CFAP92: variants seen among roughly 807,000 people sequenced by gnomAD.
CFAP92 encodes the protein cilia and flagella associated protein 92 (putative), also known as uncharacterized protein CFAP92.
In CFAP92, 86 loss-of-function variants were observed where a neutral mutation model predicts 106.3. The ratio of observed to expected loss-of-function variants is 0.81; its 90% CI spans 0.68 to 0.97. The LOEUF is 0.97. Ranked by LOEUF, CFAP92 falls within the 50% of genes least tolerant of loss-of-function variation. CFAP92 has a pLI of 0.00. For missense variants in CFAP92, 1,204 were observed against 1,283.8 expected (o/e 0.94, Z 0.95); for synonymous variants, 477 against 506.4 (o/e 0.94, Z 0.78).
chr3:128,948,237 G>A (rs1007031431), intron 9 of CFAP92, among the ~76,000 whole-genome samples: 12 of 151,930 alleles, frequency 7.9e-5, no homozygotes, highest in East Asian at 5.8e-4. Flanking sequence ...CTGTTGCCCC[G>A]GGCTGGAGTG....
chr3:128,976,875 G>A, intron 6 of CFAP92, 104 bp downstream of exon 6: 1 of 856,096 alleles, frequency 1.2e-6, no homozygotes. Context: ...GATTGCATGA[G>A]ATCCAGTTTA....
the CFAP92 span, among the ~76,000 whole-genome samples, chr3:129,025,205 G>A: frequency 1.3e-5 from 2 of 152,296 alleles, no homozygotes; most frequent in Non-Finnish European, 2.9e-5. Flanking sequence ...AAGCCATGGC[G>A]TTGGCTGAGA....
chr3:128,982,506 A>G (rs1239200923), intron 4 of CFAP92, among the ~76,000 whole-genome samples: 1 of 152,134 alleles, frequency 6.6e-6, no homozygotes, highest in Non-Finnish European at 1.5e-5. Flanking sequence ...CTTTCTTATC[A>G]TTCCTGTGTT....
chr3:128,950,088 C>A (rs189699658), intron 9 of CFAP92, among the ~76,000 whole-genome samples: 9 of 152,300 alleles, frequency 5.9e-5, no homozygotes, highest in Admixed American at 2.6e-4. Flanking sequence ...AACAGAGGGT[C>A]TCTGGAATAG....
At chr3:129,003,377 C>T (rs924905430), upstream of CFAP92, 2 of 762,754 alleles carry the variant, frequency 2.6e-6, no homozygotes, top group Non-Finnish European at 3.2e-6. Context: ...CCTCAAAAGC[C>T]TCTAGTGAGC....
At chr3:128,975,565 CAGAT>C (rs1393786894) in intron 7 of CFAP92, among the ~76,000 whole-genome samples, 3 of 150,736 alleles carry the variant, frequency 2.0e-5, no homozygotes, top group Non-Finnish European at 3.0e-5. Flanking sequence ...TGGGGATGGA[CAGAT>C]AGATGAATGG....
intron 12 of CFAP92, among the ~76,000 whole-genome samples, chr3:128,923,098 C>T (rs755183920): frequency 1.2e-4 from 19 of 152,206 alleles, no homozygotes; most frequent in Admixed American, 2.6e-4. Context: ...AAAGTTTTTG[C>T]TTCTGTTTCG....
At chr3:128,992,861 C>T (rs1559940932) in intron 2 of CFAP92, among the ~76,000 whole-genome samples, 182 bp downstream of exon 2, 1 of 152,176 alleles carries the variant, frequency 6.6e-6, no homozygotes, top group African/African-American at 2.4e-5. Flanking sequence ...GATGCAGCCA[C>T]AGTTGGGCCT....
intron 12 of CFAP92, among the ~76,000 whole-genome samples, chr3:128,921,238 A>G (rs1264854169): frequency 3.3e-5 from 5 of 152,210 alleles, no homozygotes; most frequent in African/African-American, 4.8e-5. Context: ...CCAGTGAAGG[A>G]ACACTAGAGT....
At chr3:129,012,471 A>G in the CFAP92 span, among the ~76,000 whole-genome samples, 1 of 152,108 alleles carries the variant, frequency 6.6e-6, no homozygotes, top group African/African-American at 2.4e-5. Context: ...CATAGCTGGG[A>G]ACATGGCTGC....
chr3:128,993,182 G>A lies in CFAP92; in HGVS notation c.123C>T (p.Ala41=). 1 of 1,614,050 alleles carries A rather than the reference G, an allele frequency of 6.2e-7. No individual in the cohort carries two copies. Among genetic ancestry groups the A allele is most frequent in the Non-Finnish European group, 8.5e-7 (1 of 1,179,892 alleles). ...CDVEEHLKAK[A]RAQESDSDRP... is the part of the protein sequence containing the mutation. ...GGTCAGAGTCAGACTCCTGGGCCCTGGCCTTGGCCTTCAGGTGTTCCTCCA... is the reference window on the plus strand; with the variant it reads ...GGTCAGAGTCAGACTCCTGGGCCCTAGCCTTGGCCTTCAGGTGTTCCTCCA... Residue 41 remains alanine (A), a synonymous_variant, in exon 2 of 16, where the codon GCC becomes GCT. Coordinates refer to ENST00000645291, the MANE Select transcript of CFAP92 (RefSeq NM_001394090.1).
chr3:128,940,716 C>T (rs978686057), intron 10 of CFAP92, among the ~76,000 whole-genome samples: 1 of 152,016 alleles, frequency 6.6e-6, no homozygotes, highest in Non-Finnish European at 1.5e-5. Flanking sequence ...TGAACCAATA[C>T]CACACTATCT....
chr3:128,931,475 G>A (rs9289334), intron 12 of CFAP92, among the ~76,000 whole-genome samples: 16 of 59,506 alleles, frequency 2.7e-4, no homozygotes, highest in Admixed American at 8.2e-4. Flanking sequence ...ACACATACAT[G>A]TATATATATG....
chr3:129,006,429 G>T (rs1042311981), upstream of CFAP92, among the ~76,000 whole-genome samples: 5 of 152,208 alleles, frequency 3.3e-5, no homozygotes, highest in Admixed American at 6.5e-5. Context: ...AGATTCTCCT[G>T]CCTCAGCCTC....
chr3:129,000,097 T>A (rs1207950137), intron 1 of CFAP92, among the ~76,000 whole-genome samples: 1 of 152,212 alleles, frequency 6.6e-6, no homozygotes, highest in Non-Finnish European at 1.5e-5. Context: ...CCTAGCTGAT[T>A]TGATGGACAC....
intron 10 of CFAP92, 53 bp from the exon 11 acceptor site, chr3:128,935,372 C>A: frequency 1.6e-6 from 2 of 1,288,700 alleles, no homozygotes; most frequent in African/African-American, 1.5e-5. Context: ...TCCTGGGACA[C>A]CGTGGTGAGG....
chr3:128,977,398 A>T (rs560799428), intron 5 of CFAP92, among the ~76,000 whole-genome samples: 1 of 152,310 alleles, frequency 6.6e-6, no homozygotes, highest in East Asian at 1.9e-4. Context: ...AACCATAGGG[A>T]ATGGTTAGCA....
chr3:128,991,389 T>C (rs1311828593), intron 2 of CFAP92: 2 of 152,354 alleles, frequency 1.3e-5, no homozygotes, highest in Admixed American at 6.6e-5. Flanking sequence ...GAAGCAACCA[T>C]CTGTAAGACT....
intron 4 of CFAP92, among the ~76,000 whole-genome samples, chr3:128,980,363 T>G: frequency 1.2e-5 from 1 of 81,406 alleles, no homozygotes; most frequent in African/African-American, 8.4e-5. Context: ...CAAGACCCTG[T>G]CTCAAAAAAA....
Sources: gnomAD v4.1 joint callset for allele counts (sites outside exome capture counted in the v4.1 genomes callset) on GRCh38, gnomAD v4.1.1 for gene constraint, MANE v1.5 for transcripts, NCBI Gene and HGNC (gene_info 2026-07-23, HGNC 2026-07-21) for gene names.